LRP1B: variants seen among roughly 807,000 people sequenced by gnomAD.
LRP1B encodes the protein low-density lipoprotein receptor-related protein 1B.
In LRP1B, 217 loss-of-function variants were observed where a neutral mutation model predicts 556.6. The observed-to-expected ratio is 0.39, with a 90% CI of 0.35 to 0.44. LRP1B has a LOEUF of 0.44. LRP1B is among the 20% of genes least tolerant of loss of function. The pLI is 1.00. For missense variants in LRP1B, 5,053 were observed against 5,620.8 expected (o/e 0.90, Z 3.23); for synonymous variants, 2,047 against 1,865.8 (o/e 1.10, Z -2.50).
chr2:141,334,333 C>T (rs1687767686), intron 3 of LRP1B, among the ~76,000 whole-genome samples: 1 of 152,206 alleles, frequency 6.6e-6, no homozygotes, highest in South Asian at 2.1e-4. Flanking sequence ...GTTGTATACA[C>T]CTGTGTGGCA....
intron 3 of LRP1B, among the ~76,000 whole-genome samples, chr2:141,338,432 T>C (rs1384606518): frequency 6.6e-6 from 1 of 152,196 alleles, no homozygotes; most frequent in Non-Finnish European, 1.5e-5. Context: ...GGCTCTGTGC[T>C]GCATTGAGGT....
In LRP1B at chr2:140,474,763, C is replaced by A. The variant is rs549439900; in HGVS notation, c.9625+375G>T. On this transcript the variant is annotated intron_variant, in intron 60 of 90. Coordinates refer to ENST00000389484, the MANE Select transcript of LRP1B (RefSeq NM_018557.3). The stretch of plus-strand genomic sequence containing the variant: ...GATAACTTATAAAACTATACTTTTA[C>A]TCAGTTTTTTAAGAAAATTGAAATC... Among the ~76,000 whole-genome samples the A allele has an allele frequency of 5.3e-5, 8 of 151,944 alleles. No individual in the cohort carries two copies. In the South Asian group the frequency reaches 1.0e-3, roughly 20 times the overall value.
At chr2:141,602,112 C>T (rs186905994) in intron 2 of LRP1B, among the ~76,000 whole-genome samples, 1 of 152,114 alleles carries the variant, frequency 6.6e-6, no homozygotes, top group Admixed American at 6.5e-5. Flanking sequence ...TTTAAGAATG[C>T]CTGTATCCGT....
intron 68 of LRP1B, among the ~76,000 whole-genome samples, chr2:140,376,814 G>T (rs982485901): frequency 2.0e-5 from 3 of 152,132 alleles, no homozygotes; most frequent in Non-Finnish European, 2.9e-5. Context: ...ATGCCTCAGG[G>T]CTGGAAGAGA....
At chr2:141,671,236 A>T (rs1258454168) in intron 2 of LRP1B, among the ~76,000 whole-genome samples, 1 of 152,202 alleles carries the variant, frequency 6.6e-6, no homozygotes. Flanking sequence ...AGCAACTGAG[A>T]ACAGAATAGT....
At chr2:141,411,648 C>G (rs1690855223) in intron 3 of LRP1B, among the ~76,000 whole-genome samples, 1 of 152,066 alleles carries the variant, frequency 6.6e-6, no homozygotes. Flanking sequence ...GCGTGTGTGT[C>G]TGTGTATTCT....
intron 32 of LRP1B, among the ~76,000 whole-genome samples, chr2:140,789,595 C>A (rs1690034136): frequency 6.7e-6 from 1 of 148,522 alleles, no homozygotes; most frequent in Non-Finnish European, 1.5e-5. Context: ...TGAGGCATGC[C>A]AAGCACGATC....
intron 6 of LRP1B, among the ~76,000 whole-genome samples, chr2:141,190,224 C>CT (rs755418485): frequency 2.6e-5 from 4 of 151,906 alleles, no homozygotes; most frequent in African/African-American, 2.4e-5. Context: ...GCCATCTGGT[C>CT]TTTTTTGGAG....
rs2105098221 is a variant in LRP1B at position 140,841,077 on chromosome 2, C to G, written c.4955G>C (p.Arg1652Thr). 1 of 1,608,016 alleles carries G rather than the reference C, an allele frequency of 6.2e-7. No individual in the cohort carries two copies. ...TGACACCCAATCCACTGCTAGCCCT[C>G]TGATACTCTGAATATCTATAAAACA... The part of the protein sequence containing the change: ...TVISRDIQSI[R>T]GLAVDWVSRN... Residue 1652 changes from arginine (R) to threonine (T), a missense_variant, in exon 30 of 91, where the codon AGA becomes ACA. By Grantham distance (71) the Arg-to-Thr change is moderately conservative. Coordinates refer to ENST00000389484, the MANE Select transcript of LRP1B (RefSeq NM_018557.3).
At chr2:140,292,748 T>C (rs897803900) in intron 84 of LRP1B, among the ~76,000 whole-genome samples, 129 of 152,308 alleles carry the variant, frequency 8.5e-4, no homozygotes, top group Non-Finnish European at 1.9e-4. Flanking sequence ...CTATTTCCTT[T>C]CTTAATGCCG....
At chr2:140,968,443 G>T (rs184499141) in intron 18 of LRP1B, among the ~76,000 whole-genome samples, 1 of 150,366 alleles carries the variant, frequency 6.7e-6, no homozygotes, top group Admixed American at 6.6e-5. Flanking sequence ...CTTGCTAGTG[G>T]TCTATCAATT....
intron 3 of LRP1B, among the ~76,000 whole-genome samples, chr2:141,329,453 G>T (rs950544983): frequency 2.7e-5 from 4 of 150,884 alleles, no homozygotes; most frequent in Admixed American, 2.6e-4. Context: ...GACCATCCTG[G>T]CCAACACAGT....
At chr2:140,580,927 G>T (rs1376403687) in intron 43 of LRP1B, among the ~76,000 whole-genome samples, 1 of 152,098 alleles carries the variant, frequency 6.6e-6, no homozygotes, top group African/African-American at 2.4e-5. Flanking sequence ...TGAGGAGAGA[G>T]AAATAAAATA....
intron 5 of LRP1B, among the ~76,000 whole-genome samples, chr2:141,235,943 CT>C (rs1324339660): frequency 6.6e-6 from 1 of 152,044 alleles, no homozygotes; most frequent in Non-Finnish European, 1.5e-5. Context: ...AGATGATGAA[CT>C]TATTTTTAAT....
rs60473210 is a variant in LRP1B, at chr2:141,519,360, GAT to G, written c.206-38829_206-38828del. 1.8e-3 allele frequency among the ~76,000 whole-genome samples: 123 copies of G among 68,284 alleles called. 2 individuals are homozygous for G. Among genetic ancestry groups the G allele is most frequent in the East Asian group, 7.1e-3 (9 of 1,264 alleles). 44.8% of individuals were successfully genotyped at this position (68,284 alleles called of 152,430 possible). A position where few individuals can be genotyped will look rare whatever the true frequency, so the allele number is the denominator to read the frequency against. ...CACCATGTGTGGGGCTTAAGTCAAT[GAT>G]ATATATATATATATATATATATATA... On this transcript the variant is annotated intron_variant, in intron 2 of 90. Transcript: ENST00000389484.
At chr2:141,224,645 AAGAC>A (rs1429490351) in intron 6 of LRP1B, among the ~76,000 whole-genome samples, 1 of 152,190 alleles carries the variant, frequency 6.6e-6, no homozygotes, top group African/African-American at 2.4e-5. Context: ...GGCCATAAAA[AAGAC>A]AGATTATTTT....
At chr2:140,729,444 T>G (rs1405835509) in intron 35 of LRP1B, among the ~76,000 whole-genome samples, 1 of 152,176 alleles carries the variant, frequency 6.6e-6, no homozygotes, top group Non-Finnish European at 1.5e-5. Flanking sequence ...ATAATATGAT[T>G]ATTTCCCAAC....
chr2:141,892,333 G>A (rs1164607246), intron 1 of LRP1B, among the ~76,000 whole-genome samples: 1 of 151,830 alleles, frequency 6.6e-6, no homozygotes, highest in Admixed American at 6.6e-5. Flanking sequence ...GATTTAACTT[G>A]CTTGAAATAA....
chr2:141,742,331 C>A (rs6754904), intron 2 of LRP1B, among the ~76,000 whole-genome samples: 1 of 149,724 alleles, frequency 6.7e-6, no homozygotes, highest in African/African-American at 2.5e-5. Context: ...GACTCACTGA[C>A]ACGGCCGCCT....
Sources: allele counts gnomAD v4.1 joint callset (sites outside exome capture counted in the v4.1 genomes callset), GRCh38; gene constraint gnomAD v4.1.1; transcripts MANE v1.5; gene names NCBI Gene and HGNC (gene_info 2026-07-23, HGNC 2026-07-21).